The following RBFOX1 variants were observed in gnomAD, a reference collection of about 807,000 sequenced individuals.
The protein encoded by RBFOX1 is RNA binding fox-1 homolog 1.
Under a neutral mutation model 57.7 loss-of-function variants are expected in RBFOX1, and 8 were observed. That is an observed-to-expected ratio of 0.14 (90% CI 0.08 to 0.25). The LOEUF (loss-of-function observed/expected upper bound fraction) is 0.25, where lower values mean the gene tolerates loss of function less well. Ranked by LOEUF, RBFOX1 falls within the 10% of genes least tolerant of loss-of-function variation. RBFOX1 has a pLI of 1.00. For missense variants in RBFOX1, 611 were observed against 548.5 expected, an observed-to-expected ratio of 1.11 and a Z score of -1.14; for synonymous variants, 326 against 222.4, an observed-to-expected ratio of 1.47 and a Z score of -4.15.
chr16:6,351,323 CGTGTGTGTGT>C (rs71406370), intron 2 of RBFOX1, among the ~76,000 whole-genome samples: 10 of 112,924 alleles, frequency 8.9e-5, no homozygotes, highest in African/African-American at 1.4e-4. Context: ...ATATATATAA[CGTGTGTGTGT>C]GTGTGTGTGT....
intron 10 of RBFOX1, among the ~76,000 whole-genome samples, chr16:7,610,244 C>T (rs907677864): frequency 1.3e-5 from 2 of 148,648 alleles, no homozygotes; most frequent in Admixed American, 6.7e-5. Flanking sequence ...CTTAGCCTCT[C>T]GAGTAGATGG....
At chr16:5,579,228 C>G (rs1244125441) in intron 2 of RBFOX1, among the ~76,000 whole-genome samples, 2 of 152,058 alleles carry the variant, frequency 1.3e-5, no homozygotes, top group African/African-American at 4.8e-5. Context: ...GATCGCCAGG[C>G]TCAGTAAATA....
rs546309449 is a variant in RBFOX1 at position 6,916,444 on chromosome 16, G to C, written c.-15-135613G>C. Among the ~76,000 whole-genome samples, 5 of 151,978 alleles carry C rather than the reference G, an allele frequency of 3.3e-5. No individual in the cohort carries two copies. In the South Asian group the frequency reaches 1.0e-3, roughly 32 times the overall value. Reference sequence around the variant, plus strand: ...AGGTGTGGAATTGCTGGGTAATGTGGTCTAATACACCTTTGGTTAACGAAA... The same window carrying C: ...AGGTGTGGAATTGCTGGGTAATGTGCTCTAATACACCTTTGGTTAACGAAA... On this transcript the variant is annotated intron_variant, in intron 3 of 15. Coordinates refer to ENST00000550418, the MANE Select transcript of RBFOX1 (RefSeq NM_018723.4).
chr16:5,316,675 C>A (rs1337585900), intron 1 of RBFOX1, among the ~76,000 whole-genome samples: 2 of 152,126 alleles, frequency 1.3e-5, no homozygotes, highest in Non-Finnish European at 2.9e-5. Flanking sequence ...TAGGGGATAC[C>A]CAGATAGCTG....
Position 6,817,262 on chromosome 16 carries a change from C to A in RBFOX1, c.-16+162612C>A, listed in dbSNP as rs375681033. ...TGGAATCAGACACCCAGGTAACATA[C>A]TTCTGACCACCTTAATGTGTCATAG... On this transcript the variant is annotated intron_variant, in intron 3 of 15. Transcript: ENST00000550418. Among the ~76,000 whole-genome samples, 16 of 152,258 alleles carry A rather than the reference C, an allele frequency of 1.1e-4. No homozygotes were observed. The East Asian group carries it at 1.2e-3, about 11-fold the overall frequency.
rs982207492 is a variant in RBFOX1, at chr16:7,425,614, A to T, written c.28-92533A>T. 2.0e-4 allele frequency among the ~76,000 whole-genome samples: 30 copies of T among 152,150 alleles called. 1 individual carries two copies. Among genetic ancestry groups the T allele is most frequent in the African/African-American group, 7.2e-4 (30 of 41,426 alleles). ...GTTTCCTCTTGCTCATTCTGTTTCT[A>T]AACTTCTCTGGATAAATGTGTGAAA... is the stretch of plus-strand genomic sequence containing the variant. On this transcript the variant is annotated intron_variant, in intron 4 of 15. Transcript: ENST00000550418.
At chr16:6,086,980 A>G (rs769049745) in intron 1 of RBFOX1, among the ~76,000 whole-genome samples, 6 of 152,194 alleles carry the variant, frequency 3.9e-5, no homozygotes, top group Non-Finnish European at 8.8e-5. Flanking sequence ...AGCTGTAGCA[A>G]CACATCACTC....
intron 4 of RBFOX1, among the ~76,000 whole-genome samples, chr16:7,274,571 T>C (rs2095404277): frequency 6.6e-6 from 1 of 152,206 alleles, no homozygotes; most frequent in African/African-American, 2.4e-5. Flanking sequence ...ACTAATCACT[T>C]CTCTCTGGAA....
At chr16:7,638,153 C>G (rs886861582) in intron 11 of RBFOX1, among the ~76,000 whole-genome samples, 7 of 152,154 alleles carry the variant, frequency 4.6e-5, no homozygotes, top group Non-Finnish European at 8.8e-5. Context: ...GCCTGTTAAC[C>G]TAGTTGCAGC....
chr16:7,066,385 C>T (rs1039223444), intron 4 of RBFOX1, among the ~76,000 whole-genome samples: 5 of 152,126 alleles, frequency 3.3e-5, no homozygotes, highest in Non-Finnish European at 2.9e-5. Flanking sequence ...GGCTAAGATA[C>T]GAGAAGGGTA....
chr16:6,648,030 CAG>C (rs1013823762), intron 2 of RBFOX1, among the ~76,000 whole-genome samples: 18 of 151,936 alleles, frequency 1.2e-4, no homozygotes, highest in African/African-American at 2.7e-4. Flanking sequence ...TTAGTAGAGA[CAG>C]GGGTTTCATT....
intron 3 of RBFOX1, among the ~76,000 whole-genome samples, chr16:6,699,480 T>C (rs891416235): frequency 6.6e-6 from 1 of 152,170 alleles, no homozygotes; most frequent in African/African-American, 2.4e-5. Flanking sequence ...CAATATTAAT[T>C]CAGTTAATTT....
At chr16:7,380,267 C>T (rs74012503) in intron 4 of RBFOX1, among the ~76,000 whole-genome samples, 2,061 of 152,246 alleles carry the variant, frequency 0.014, 54 homozygotes, top group African/African-American at 0.047. Flanking sequence ...CACATAGAAT[C>T]GTATAAAATA....
chr16:5,740,356 G>A (rs2052729697), intron 3 of RBFOX1, among the ~76,000 whole-genome samples: 1 of 152,220 alleles, frequency 6.6e-6, no homozygotes, highest in Non-Finnish European at 1.5e-5. Flanking sequence ...CAGTCCCCCA[G>A]GCACAGGGGC....
chr16:5,853,685 T>C (rs1014298056), intron 3 of RBFOX1, among the ~76,000 whole-genome samples: 4 of 152,222 alleles, frequency 2.6e-5, no homozygotes, highest in African/African-American at 7.2e-5. Context: ...TGTGAAGTCC[T>C]GTAGACGAGG....
chr16:5,585,564 G>C (rs529913982), intron 2 of RBFOX1, among the ~76,000 whole-genome samples: 6 of 152,340 alleles, frequency 3.9e-5, no homozygotes, highest in African/African-American at 1.2e-4. Flanking sequence ...TCTGTGGAGA[G>C]TGCAGCTAGG....
At chr16:7,373,041 C>A (rs908858147) in intron 4 of RBFOX1, among the ~76,000 whole-genome samples, 2 of 151,718 alleles carry the variant, frequency 1.3e-5, no homozygotes, top group Admixed American at 1.3e-4. Flanking sequence ...TAGCCATTCT[C>A]TTGCCTCAGC....
At chr16:7,565,252 T>C (rs62009933) in intron 5 of RBFOX1, among the ~76,000 whole-genome samples, 41 of 151,804 alleles carry the variant, frequency 2.7e-4, no homozygotes, top group South Asian at 8.3e-4. Context: ...GGAGTTGATC[T>C]GGTATGCATG....
At chr16:5,742,547 G>C (rs546877772) in intron 3 of RBFOX1, among the ~76,000 whole-genome samples, 3 of 152,020 alleles carry the variant, frequency 2.0e-5, no homozygotes, top group Non-Finnish European at 4.4e-5. Context: ...TGCATCCTCC[G>C]GTGCCATAAG....
Sources: gnomAD v4.1 joint callset for allele counts (sites outside exome capture counted in the v4.1 genomes callset) on GRCh38, gnomAD v4.1.1 for gene constraint, MANE v1.5 for transcripts, NCBI Gene and HGNC (gene_info 2026-07-23, HGNC 2026-07-21) for gene names.